ZNF671: variants seen among roughly 807,000 people sequenced by gnomAD.
ZNF671 encodes the protein hypothetical protein FLJ23506.
Under a neutral mutation model 16.6 loss-of-function variants are expected in ZNF671, and 19 were observed. That is an observed-to-expected ratio of 1.14 (90% CI 0.80 to 1.68). The LOEUF is 1.68. Among genes scored for constraint, ZNF671 ranks in the 40% most tolerant of loss-of-function variants. The probability of loss-of-function intolerance (pLI) is 0.00; values close to 1 mark genes in which losing one functional copy is unlikely to be tolerated. For missense variants in ZNF671, 637 were observed against 659.8 expected (o/e 0.97, Z 0.38); for synonymous variants, 238 against 236.3 (o/e 1.01, Z -0.06).
rs1986098579 is a variant in ZNF671 at position 57,727,612 on chromosome 19, A to G, written c.-84T>C. 6.5e-7 allele frequency: 1 copy of G among 1,527,502 alleles called. No individual in the cohort carries two copies. Among genetic ancestry groups the G allele is most frequent in the East Asian group, 2.3e-5 (1 of 43,228 alleles). 94.6% of individuals were successfully genotyped at this position (1,527,502 alleles called of 1,614,324 possible). ...GGCCAGGGACAGCCTGACAGAAACA[A>G]AATGTCCGCTACAAGGAGGAGCCGG... On this transcript the variant is annotated 5_prime_UTR_variant, in exon 1 of 4. Coordinates refer to ENST00000317398, the MANE Select transcript of ZNF671 (RefSeq NM_024833.3).
In ZNF671 at chr19:57,727,398, G is replaced by T; in HGVS notation, c.131C>A (p.Ser44Tyr). ...AHGPMAELTD[S>Y]ARGCVVFEDV... ...GGAGGACGCAGCACCCACCCGCGCG[G>T]AGTCCGTTAGCTCCGCCATAGGACC... The change falls in exon 1 of 4, where the codon TCC becomes TAC. Residue 44 changes from serine (S) to tyrosine (Y), a missense_variant. By Grantham distance (144) the Ser-to-Tyr change is moderately radical. Transcript: ENST00000317398. The T allele has an allele frequency of 6.2e-7, 1 of 1,600,982 alleles. No homozygotes were observed. Among genetic ancestry groups the T allele is most frequent in the South Asian group, 1.1e-5 (1 of 90,530 alleles).
Position 57,720,348 on chromosome 19 carries a change from A to T in ZNF671, c.*133T>A. On this transcript the variant is annotated 3_prime_UTR_variant, in exon 4 of 4. Transcript: ENST00000317398. Reference sequence around the variant, plus strand: ...GGCCTGTGTCCGGTGTGAAATTCCCAATGGCGGGTAAGGTTCAGCCTCCAG... The same window carrying T: ...GGCCTGTGTCCGGTGTGAAATTCCCTATGGCGGGTAAGGTTCAGCCTCCAG... 8.0e-7 allele frequency: 1 copy of T among 1,256,654 alleles called. No homozygotes were observed. Among genetic ancestry groups the T allele is most frequent in the African/African-American group, 1.5e-5 (1 of 66,654 alleles). 77.8% of individuals were successfully genotyped at this position (1,256,654 alleles called of 1,614,324 possible).
chr19:57,726,834 T>A (rs1986063394), intron 1 of ZNF671: 1 of 152,744 alleles, frequency 6.5e-6, no homozygotes, highest in South Asian at 2.1e-4. Context: ...CATAGCTGCA[T>A]ATGATGGAGC....
intron 1 of ZNF671, among the ~76,000 whole-genome samples, chr19:57,724,390 G>A (rs1985978223): frequency 1.3e-5 from 2 of 152,110 alleles, no homozygotes; most frequent in Admixed American, 6.6e-5. Flanking sequence ...CCTTTAACTT[G>A]AACTCTTAGA....
Position 57,720,818 on chromosome 19 carries a change from C to G in ZNF671, c.1268G>C (p.Arg423Thr). ...CCCACATTCACTGCACTCATAAGGCCTTTCTCCAGTGTGAGTTCGTTGGTG... is the reference window on the plus strand; with the variant it reads ...CCCACATTCACTGCACTCATAAGGCGTTTCTCCAGTGTGAGTTCGTTGGTG... ...VLHQRTHTGE[R>T]PYECSECGKA... The change falls in exon 4 of 4, where the codon AGG becomes ACG. Residue 423 changes from arginine to threonine, a missense_variant. Transcript: ENST00000317398. The G allele has an allele frequency of 6.2e-7, 1 of 1,614,208 alleles. No individual in the cohort carries two copies.
In ZNF671 at chr19:57,722,421, A is replaced by G. The variant is rs771872199; in HGVS notation, c.283T>C (p.Ser95Pro). The G allele has an allele frequency of 6.2e-7, 1 of 1,613,798 alleles. No homozygotes were observed. Among genetic ancestry groups the G allele is most frequent in the African/African-American group, 1.3e-5 (1 of 74,910 alleles). Residue 95 changes from serine (S) to proline (P), a missense_variant, in exon 3 of 4, where the codon TCA becomes CCA. Physicochemically the swap from Ser to Pro is moderately conservative, Grantham distance 74 (BLOSUM62 -1). Coordinates refer to ENST00000317398, the MANE Select transcript of ZNF671 (RefSeq NM_024833.3). ...LASLGIAFSR[S>P]RAVMKLERGE... ...CGCTCTAGTTTCATGACTGCACGTG[A>G]TCTGGAAAATGCAATTCCTAAGGGA...
chr19:57,720,398 C>T lies in ZNF671; in HGVS notation c.*83G>A, dbSNP rs1027814289. 1.5e-5 allele frequency: 23 copies of T among 1,525,120 alleles called. No individual in the cohort carries two copies. The highest frequency in any genetic ancestry group is 1.9e-5 in the Non-Finnish European group (22 of 1,133,346). The allele number at this position is 1,525,120 out of a possible 1,614,324, so 94.5% of individuals were successfully genotyped here. ...GGGGAAGGCTTTCCTGCATCTGCTG[C>T]ACTCATTAACTACTGCTAGTTCCCC... On this transcript the variant is annotated 3_prime_UTR_variant, in exon 4 of 4. Transcript: ENST00000317398.
At chr19:57,724,021 C>T (rs1027316036) in intron 1 of ZNF671, among the ~76,000 whole-genome samples, 9 of 145,370 alleles carry the variant, frequency 6.2e-5, no homozygotes, top group East Asian at 6.1e-4. Flanking sequence ...TCCAGTCTGG[C>T]GACAGAGTGA....
chr19:57,727,214 C>A (rs779802634), intron 1 of ZNF671, 177 bp downstream of exon 1: 26 of 823,542 alleles, frequency 3.2e-5, no homozygotes, highest in Non-Finnish European at 4.5e-5. Context: ...GTCAGCAGCA[C>A]CCCCGAGCCT....
Position 57,727,387 on chromosome 19 carries a change from C to G in ZNF671, c.138+4G>C. On this transcript the variant is annotated splice_donor_region_variant and intron_variant, in intron 1 of 3. Coordinates refer to ENST00000317398, the MANE Select transcript of ZNF671 (RefSeq NM_024833.3). ...ACTGAGGGCCCGGAGGACGCAGCAC[C>G]CACCCGCGCGGAGTCCGTTAGCTCC... The G allele has an allele frequency of 1.3e-6, 2 of 1,595,606 alleles. No homozygotes were observed. The highest frequency in any genetic ancestry group is 1.7e-6 in the Non-Finnish European group (2 of 1,166,842).
chr19:57,720,349 A>G lies in ZNF671; in HGVS notation c.*132T>C, dbSNP rs544146818. ...GCCTGTGTCCGGTGTGAAATTCCCA[A>G]TGGCGGGTAAGGTTCAGCCTCCAGG... is the stretch of plus-strand genomic sequence containing the variant. On this transcript the variant is annotated 3_prime_UTR_variant, in exon 4 of 4. Transcript: ENST00000317398. 158 of 1,265,956 alleles carry G rather than the reference A, an allele frequency of 1.2e-4. 1 individual carries two copies. Among genetic ancestry groups the G allele is most frequent in the Middle Eastern group, 4.0e-4 (2 of 5,036 alleles). 78.4% of individuals were successfully genotyped at this position (1,265,956 alleles called of 1,614,324 possible).
chr19:57,724,550 G>A (rs928393185), intron 1 of ZNF671, among the ~76,000 whole-genome samples: 1 of 148,448 alleles, frequency 6.7e-6, no homozygotes, highest in African/African-American at 2.5e-5. Context: ...TTTTTAGACA[G>A]ATTCTTGCAC....
chr19:57,721,939 G>T (rs1403033506), intron 3 of ZNF671: 1 of 601,850 alleles, frequency 1.7e-6, no homozygotes, highest in Non-Finnish European at 2.9e-6. Flanking sequence ...CTTCCAGTAG[G>T]GCCTTGACTG....
chr19:57,721,550 A>C lies in ZNF671; in HGVS notation c.536T>G (p.Leu179Arg). The C allele has an allele frequency of 2.5e-6, 4 of 1,614,224 alleles. No homozygotes were observed. Among genetic ancestry groups the C allele is most frequent in the Non-Finnish European group, 3.4e-6 (4 of 1,180,050 alleles). The change falls in exon 4 of 4, where the codon CTG becomes CGG. Residue 179 changes from leucine (L) to arginine (R), a missense_variant. Leu to Arg is a moderately radical substitution (Grantham distance 102). Transcript: ENST00000317398. The stretch of plus-strand genomic sequence containing the variant: ...GGCTTTTCCCCCATGGTATTTAGCC[A>C]GGTGTAAGGTATCTTTCAATATTGG... ...CGPILKDTLH[L>R]AKYHGGKARQ... is the part of the protein sequence containing the mutation.
At chr19:57,724,090 C>T (rs191403257) in intron 1 of ZNF671, among the ~76,000 whole-genome samples, 1 of 151,582 alleles carries the variant, frequency 6.6e-6, no homozygotes, top group Admixed American at 6.6e-5. Flanking sequence ...TCCCATCTTG[C>T]TCCAAACCAT....
chr19:57,726,177 C>T (rs995767631), intron 1 of ZNF671, among the ~76,000 whole-genome samples: 1 of 147,284 alleles, frequency 6.8e-6, no homozygotes, highest in Admixed American at 6.9e-5. Context: ...CTAAAATTAG[C>T]CAGGGGTGGT....
In ZNF671 at chr19:57,721,551, G is replaced by T; in HGVS notation, c.535C>A (p.Leu179Met). 6.2e-7 allele frequency: 1 copy of T among 1,614,210 alleles called. No homozygotes were observed. The highest frequency in any genetic ancestry group is 8.5e-7 in the Non-Finnish European group (1 of 1,180,048). ...CGPILKDTLH[L>M]AKYHGGKARQ... ...GCTTTTCCCCCATGGTATTTAGCCA[G>T]GTGTAAGGTATCTTTCAATATTGGG... Residue 179 changes from leucine to methionine, a missense_variant, in exon 4 of 4, where the codon CTG becomes ATG. Leu to Met is a conservative substitution (Grantham distance 15). Coordinates refer to ENST00000317398, the MANE Select transcript of ZNF671 (RefSeq NM_024833.3).
Position 57,722,413 on chromosome 19 carries a change from T to G in ZNF671, c.291A>C (p.Ala97=). ...SLGIAFSRSR[A]VMKLERGEEP... The stretch of plus-strand genomic sequence containing the variant: ...CTTCTCCTCGCTCTAGTTTCATGAC[T>G]GCACGTGATCTGGAAAATGCAATTC... The change falls in exon 3 of 4, where the codon GCA becomes GCC. Residue 97 remains alanine, a synonymous_variant. Coordinates refer to ENST00000317398, the MANE Select transcript of ZNF671 (RefSeq NM_024833.3). The G allele has an allele frequency of 1.2e-6, 2 of 1,614,040 alleles. No homozygotes were observed. The highest frequency in any genetic ancestry group is 1.7e-6 in the Non-Finnish European group (2 of 1,180,000).
chr19:57,725,079 G>A (rs1300514184), intron 1 of ZNF671, among the ~76,000 whole-genome samples: 1 of 152,010 alleles, frequency 6.6e-6, no homozygotes, highest in East Asian at 1.9e-4. Flanking sequence ...GATTAGAGAA[G>A]CACCTTAAAT....
Sources: allele counts gnomAD v4.1 joint callset (sites outside exome capture counted in the v4.1 genomes callset), GRCh38; gene constraint gnomAD v4.1.1; transcripts MANE v1.5; gene names NCBI Gene and HGNC (gene_info 2026-07-23, HGNC 2026-07-21).